The following LCMT1 variants were observed in gnomAD, a reference collection of about 807,000 sequenced individuals.
The protein encoded by LCMT1 is leucine carboxyl methyltransferase 1, also known as [Phosphatase 2A protein]-leucine-carboxy methyltransferase 1.
LCMT1 carries 32 observed loss-of-function variants against 47.7 expected under a neutral mutation model. The ratio of observed to expected loss-of-function variants is 0.67; its 90% confidence interval spans 0.51 to 0.90. The LOEUF (loss-of-function observed/expected upper bound fraction) is 0.90. Among genes scored for constraint, LCMT1 ranks in the 40% least tolerant of loss-of-function variants. The pLI is 0.00. For synonymous variants in LCMT1, 152 were observed against 149.7 expected (o/e 1.02, Z -0.11); for missense variants, 375 against 415.2 (o/e 0.90, Z 0.84).
At chr16:25,159,768 T>C (rs1961365342) in intron 5 of LCMT1, among the ~76,000 whole-genome samples, 1 of 152,112 alleles carries the variant, frequency 6.6e-6, no homozygotes. Context: ...TTACATGTTA[T>C]AGGTTAGCCT....
At chr16:25,151,469 G>A (rs1293164676) in intron 4 of LCMT1, 85 bp from the exon 5 acceptor site, 24 of 1,134,938 alleles carry the variant, frequency 2.1e-5, no homozygotes, top group Non-Finnish European at 3.1e-5. Flanking sequence ...GGTAGTGAGT[G>A]TCTGCATTTG....
At position 25,178,133 on chromosome 16, in the gene LCMT1, A is replaced by G. The variant is rs1304822425; in HGVS notation, c.*110A>G. 6 of 926,922 alleles carry G rather than the reference A, an allele frequency of 6.5e-6. No homozygotes were observed. The highest frequency in any genetic ancestry group is 2.5e-5 in the East Asian group (1 of 40,712). 57.4% of individuals were successfully genotyped at this position (926,922 alleles called of 1,614,324 possible). Reference sequence around the variant, plus strand: ...GCCTCGTCCGCAGGTCTCATCCCACACTCTTGAGAAGCCTTGGTCACTACA... The same window carrying G: ...GCCTCGTCCGCAGGTCTCATCCCACGCTCTTGAGAAGCCTTGGTCACTACA... On this transcript the variant is annotated 3_prime_UTR_variant, in exon 11 of 11. Coordinates refer to ENST00000399069, the MANE Select transcript of LCMT1 (RefSeq NM_016309.3).
chr16:25,125,528 G>A (rs925710109), intron 1 of LCMT1, among the ~76,000 whole-genome samples: 2 of 152,102 alleles, frequency 1.3e-5, no homozygotes, highest in African/African-American at 2.4e-5. Flanking sequence ...CCAAAGCCAA[G>A]CTAGATTAAA....
At chr16:25,169,015 G>A (rs947377467) in intron 7 of LCMT1, 97 bp from the exon 8 acceptor site, 27 of 862,902 alleles carry the variant, frequency 3.1e-5, no homozygotes, top group African/African-American at 2.1e-4. Flanking sequence ...GTCATCAAGC[G>A]TCAGCCTCGG....
At chr16:25,133,289 G>A (rs906950416) in intron 3 of LCMT1, among the ~76,000 whole-genome samples, 3 of 150,632 alleles carry the variant, frequency 2.0e-5, no homozygotes, top group Admixed American at 1.3e-4. Flanking sequence ...TTTCTGATTT[G>A]GTCTCTTAAC....
chr16:25,171,865 A>G (rs182041568), intron 9 of LCMT1, among the ~76,000 whole-genome samples: 1 of 152,340 alleles, frequency 6.6e-6, no homozygotes, highest in East Asian at 1.9e-4. Context: ...ATAGATAGAT[A>G]AATATTTATT....
intron 1 of LCMT1, among the ~76,000 whole-genome samples, chr16:25,125,606 G>A (rs1960145254): frequency 1.3e-5 from 2 of 151,822 alleles, no homozygotes; most frequent in South Asian, 2.1e-4. Flanking sequence ...AGGCTGAGGC[G>A]GGCGGATCAC....
At chr16:25,170,870 A>G (rs2141715088) in intron 9 of LCMT1, 65 bp downstream of exon 9, 1 of 1,002,882 alleles carries the variant, frequency 1.0e-6, no homozygotes, top group South Asian at 1.5e-5. Flanking sequence ...GATTGCCTGT[A>G]TTCTTTCATG....
chr16:25,123,710 C>G (rs146269369), intron 1 of LCMT1, among the ~76,000 whole-genome samples: 1 of 145,736 alleles, frequency 6.9e-6, no homozygotes, highest in Non-Finnish European at 1.5e-5. Flanking sequence ...TGGGTTCAAG[C>G]GATTCTCCTG....
chr16:25,147,043 T>G (rs920972732), intron 4 of LCMT1: 7 of 152,190 alleles, frequency 4.6e-5, no homozygotes, highest in African/African-American at 1.7e-4. Flanking sequence ...TATTGGCATA[T>G]TCCTTAGCCT....
chr16:25,150,430 C>T (rs563331066), intron 4 of LCMT1, among the ~76,000 whole-genome samples: 2 of 150,594 alleles, frequency 1.3e-5, no homozygotes, highest in South Asian at 2.1e-4. Flanking sequence ...CCGCAACCTC[C>T]GCCTCCTAGG....
At chr16:25,172,225 T>C (rs1430128937) in intron 9 of LCMT1, among the ~76,000 whole-genome samples, 1 of 151,606 alleles carries the variant, frequency 6.6e-6, no homozygotes, top group Non-Finnish European at 1.5e-5. Flanking sequence ...AAGAATTGCT[T>C]GAACCTGGGA....
intron 10 of LCMT1, among the ~76,000 whole-genome samples, chr16:25,176,616 C>CAGT: frequency 9.0e-6 from 1 of 111,370 alleles, no homozygotes; most frequent in Non-Finnish European, 1.6e-5. Context: ...GGCTGGAGTG[C>CAGT]AGTAGCATGA....
At chr16:25,135,543 G>C (rs1203782747) in intron 3 of LCMT1, among the ~76,000 whole-genome samples, 1 of 152,204 alleles carries the variant, frequency 6.6e-6, no homozygotes, top group African/African-American at 2.4e-5. Context: ...TACAGAAGCA[G>C]TTTGCCAATC....
At chr16:25,164,008 A>G (rs558501854) in intron 6 of LCMT1, among the ~76,000 whole-genome samples, 1 of 152,224 alleles carries the variant, frequency 6.6e-6, no homozygotes, top group Admixed American at 6.5e-5. Context: ...AGTCAGGTGG[A>G]CAGTGGGCAG....
chr16:25,132,109 T>G (rs762136212), intron 2 of LCMT1: 1 of 461,354 alleles, frequency 2.2e-6, no homozygotes. Context: ...AGATGGACTT[T>G]AGACGTTTCA....
At chr16:25,166,816 C>A (rs1961604660) in intron 7 of LCMT1, among the ~76,000 whole-genome samples, 1 of 152,108 alleles carries the variant, frequency 6.6e-6, no homozygotes, top group Non-Finnish European at 1.5e-5. Context: ...CCTTCCCTCT[C>A]TTTAATTGGG....
At chr16:25,175,222 G>T (rs568940266) in intron 10 of LCMT1, among the ~76,000 whole-genome samples, 188 bp downstream of exon 10, 3 of 152,090 alleles carry the variant, frequency 2.0e-5, no homozygotes, top group Non-Finnish European at 4.4e-5. Flanking sequence ...GCTCATTGCA[G>T]CCTTCAATTC....
chr16:25,133,646 C>T (rs1169645367), intron 3 of LCMT1, among the ~76,000 whole-genome samples: 1 of 150,250 alleles, frequency 6.7e-6, no homozygotes, highest in Non-Finnish European at 1.5e-5. Flanking sequence ...ATCTGCCTAC[C>T]TCGGCCTCCC....
Sources: allele counts gnomAD v4.1 joint callset (sites outside exome capture counted in the v4.1 genomes callset), GRCh38; gene constraint gnomAD v4.1.1; transcripts MANE v1.5; gene names NCBI Gene and HGNC (gene_info 2026-07-23, HGNC 2026-07-21).